TMEM9: variants seen among roughly 807,000 people sequenced by gnomAD.
TMEM9 encodes proton-transporting V-type ATPase complex assembly regulator TMEM9.
A neutral mutation model predicts 22.8 loss-of-function variants in TMEM9; 13 were observed. The ratio of observed to expected loss-of-function variants is 0.57; its 90% confidence interval spans 0.37 to 0.91. TMEM9 has a LOEUF of 0.91. Ranked by LOEUF, TMEM9 falls within the 40% of genes least tolerant of loss-of-function variation. TMEM9 has a pLI of 0.01. For missense variants in TMEM9, 182 were observed against 238.1 expected, an observed-to-expected ratio of 0.76 and a Z score of 1.55; for synonymous variants, 88 against 93.0, an observed-to-expected ratio of 0.95 and a Z score of 0.31.
At chr1:201,157,988 A>C (rs1665846795), upstream of TMEM9, among the ~76,000 whole-genome samples, 1 of 152,164 alleles carries the variant, frequency 6.6e-6, no homozygotes, top group Non-Finnish European at 1.5e-5. Flanking sequence ...GGTTGGGGAG[A>C]GTGGCTTGGA....
chr1:201,149,122 T>C (rs764001674), intron 2 of TMEM9, among the ~76,000 whole-genome samples: 5 of 152,210 alleles, frequency 3.3e-5, no homozygotes, highest in Non-Finnish European at 7.3e-5. Flanking sequence ...AGTTCTTCAA[T>C]GTGGGATCTT....
upstream of TMEM9, among the ~76,000 whole-genome samples, chr1:201,156,489 G>A (rs1276236387): frequency 3.3e-5 from 5 of 152,144 alleles, no homozygotes; most frequent in Non-Finnish European, 7.4e-5. Flanking sequence ...AAGCCAAGTG[G>A]TTACCATTTC....
At position 201,154,093 on chromosome 1, in the gene TMEM9, T is replaced by C; in HGVS notation, c.-170A>G. 2 of 774,068 alleles carry C rather than the reference T, an allele frequency of 2.6e-6. No individual in the cohort carries two copies. The highest frequency in any genetic ancestry group is 1.9e-5 in the South Asian group (1 of 52,798). The allele number at this position is 774,068 out of a possible 1,614,324, so 47.9% of individuals were successfully genotyped here. ...CCAGGATTCCAAGGCCTGCTAAACCTGGTCGCCAAACCCTGCTTCCCTCCC... is the reference window on the plus strand; with the variant it reads ...CCAGGATTCCAAGGCCTGCTAAACCCGGTCGCCAAACCCTGCTTCCCTCCC... On this transcript the variant is annotated 5_prime_UTR_variant, in exon 1 of 5. Transcript: ENST00000367330.
At chr1:201,170,658 TTAA>T (rs1666188451) in intron 1 of TMEM9, among the ~76,000 whole-genome samples, 1 of 152,024 alleles carries the variant, frequency 6.6e-6, no homozygotes. Context: ...CCGAGACTCA[TTAA>T]GTCAGTGCAA....
chr1:201,163,838 C>G (rs1379670361), intron 1 of TMEM9, among the ~76,000 whole-genome samples: 1 of 152,142 alleles, frequency 6.6e-6, no homozygotes, highest in South Asian at 2.1e-4. Context: ...AAAACTAAAC[C>G]TGGAACTACC....
intron 3 of TMEM9, 46 bp from the exon 4 acceptor site, chr1:201,143,997 G>A (rs1664753309): frequency 6.2e-7 from 1 of 1,606,692 alleles, no homozygotes; most frequent in East Asian, 2.2e-5. Flanking sequence ...CTGAGGCCAG[G>A]GCTAGAAATC....
intron 1 of TMEM9, among the ~76,000 whole-genome samples, chr1:201,170,685 T>C (rs1666188889): frequency 1.3e-5 from 2 of 151,994 alleles, no homozygotes; most frequent in African/African-American, 4.8e-5. Flanking sequence ...ATGGAAAGGT[T>C]AAATATTTGC....
At chr1:201,148,890 T>C (rs1489688801) in intron 2 of TMEM9, among the ~76,000 whole-genome samples, 1 of 152,250 alleles carries the variant, frequency 6.6e-6, no homozygotes, top group Non-Finnish European at 1.5e-5. Context: ...CTGCTTCCGC[T>C]GGGAGCAGCG....
rs1403106172 is a variant in TMEM9 at position 201,134,992 on chromosome 1, C to A, written c.*671G>T. ...CTGTGGACACTGGGGAGAGGAGGGA[C>A]TGCCCAGACCCCTCAAGTGCAGGTG... On this transcript the variant is annotated 3_prime_UTR_variant, in exon 5 of 5. Coordinates refer to ENST00000367330, the MANE Select transcript of TMEM9 (RefSeq NM_001288565.2). 6.5e-6 allele frequency: 1 copy of A among 152,770 alleles called. No homozygotes were observed. Among genetic ancestry groups the A allele is most frequent in the Non-Finnish European group, 1.5e-5 (1 of 68,090 alleles). 9.5% of individuals were successfully genotyped at this position (152,770 alleles called of 1,614,324 possible). A position where few individuals can be genotyped will look rare whatever the true frequency, so the allele number is the denominator to read the frequency against.
chr1:201,137,502 A>ACACG, intron 4 of TMEM9, among the ~76,000 whole-genome samples: 1 of 152,012 alleles, frequency 6.6e-6, no homozygotes, highest in African/African-American at 2.4e-5. Flanking sequence ...ACACACACAC[A>ACACG]CACACACACA....
At chr1:201,171,273 G>A (rs921247703) in intron 1 of TMEM9, among the ~76,000 whole-genome samples, 1 of 152,172 alleles carries the variant, frequency 6.6e-6, no homozygotes, top group Non-Finnish European at 1.5e-5. Context: ...AAAGCGTGAG[G>A]CGAAGGTCGT....
At chr1:201,144,230 T>G (rs528036776) in intron 3 of TMEM9, 35 of 333,186 alleles carry the variant, frequency 1.1e-4, no homozygotes, top group African/African-American at 7.2e-4. Context: ...TGGAGCCTGA[T>G]GCCGAGAGGC....
intron 1 of TMEM9, among the ~76,000 whole-genome samples, chr1:201,164,376 T>C (rs1390357344): frequency 6.6e-6 from 1 of 152,238 alleles, no homozygotes; most frequent in African/African-American, 2.4e-5. Flanking sequence ...TCTTTGTATA[T>C]TATTTCTTAT....
In TMEM9 at chr1:201,153,999, C is replaced by A; in HGVS notation, c.-76G>T. ...ACGGAGTCGGAGAAGGGGAAGGTGGCCACACCGCAGCCAGCACGCTAGGCC... is the reference window on the plus strand; with the variant it reads ...ACGGAGTCGGAGAAGGGGAAGGTGGACACACCGCAGCCAGCACGCTAGGCC... On this transcript the variant is annotated 5_prime_UTR_variant, in exon 1 of 5. Coordinates refer to ENST00000367330, the MANE Select transcript of TMEM9 (RefSeq NM_001288565.2). 6.6e-7 allele frequency: 1 copy of A among 1,521,290 alleles called. No homozygotes were observed. The highest frequency in any genetic ancestry group is 8.9e-7 in the Non-Finnish European group (1 of 1,128,416). 94.2% of individuals were successfully genotyped at this position (1,521,290 alleles called of 1,614,324 possible). A position where few individuals can be genotyped will look rare whatever the true frequency, so the allele number is the denominator to read the frequency against.
chr1:201,158,645 A>G (rs1266847464), upstream of TMEM9, among the ~76,000 whole-genome samples: 1 of 152,066 alleles, frequency 6.6e-6, no homozygotes, highest in African/African-American at 2.4e-5. Context: ...GGGCTCAGTG[A>G]GAGGGTGGAG....
At chr1:201,139,206 G>A (rs1048062417) in intron 4 of TMEM9, among the ~76,000 whole-genome samples, 3 of 152,018 alleles carry the variant, frequency 2.0e-5, no homozygotes, top group African/African-American at 7.3e-5. Context: ...CACCTCAGGC[G>A]GCTCTCCTCT....
chr1:201,143,700 G>T, intron 4 of TMEM9, 120 bp downstream of exon 4: 1 of 996,488 alleles, frequency 1.0e-6, no homozygotes, highest in Non-Finnish European at 1.5e-6. Flanking sequence ...ACACTGACCA[G>T]AAGAGCAACT....
At chr1:201,160,853 G>C (rs530356471) in intron 1 of TMEM9, among the ~76,000 whole-genome samples, 1 of 150,990 alleles carries the variant, frequency 6.6e-6, no homozygotes, top group African/African-American at 2.4e-5. Context: ...GGAGAATGGC[G>C]TGAACCCGGG....
chr1:201,144,605 AG>A (rs1210393729), intron 3 of TMEM9: 1 of 148,102 alleles, frequency 6.8e-6, no homozygotes, highest in Non-Finnish European at 1.5e-5. Flanking sequence ...CACAAGCTGG[AG>A]TCATTTTGTT....
Sources: allele counts gnomAD v4.1 joint callset (sites outside exome capture counted in the v4.1 genomes callset), GRCh38; gene constraint gnomAD v4.1.1; transcripts MANE v1.5; gene names NCBI Gene and HGNC (gene_info 2026-07-23, HGNC 2026-07-21).